The following CIZ1 variants were observed in gnomAD, a reference collection of about 807,000 sequenced individuals.
CIZ1 encodes the protein cip1-interacting zinc finger protein.
CIZ1 carries 58 observed loss-of-function variants against 118.6 expected under a neutral mutation model. The observed-to-expected ratio is 0.49, with a 90% CI of 0.40 to 0.61. The LOEUF (loss-of-function observed/expected upper bound fraction) is 0.61, where lower values mean the gene tolerates loss of function less well. Ranked by LOEUF, CIZ1 falls within the 20% of genes least tolerant of loss-of-function variation. The pLI is 0.00. For missense variants in CIZ1, 921 were observed against 1,115.9 expected (o/e 0.83, Z 2.49); for synonymous variants, 448 against 443.4 (o/e 1.01, Z -0.13).
rs367571874 is a variant in CIZ1 at position 128,178,924 on chromosome 9, T to C, written c.1283A>G (p.Gln428Arg). Residue 428 changes from glutamine to arginine, a missense_variant, in exon 8 of 17, where the codon CAG becomes CGG. By Grantham distance (43) the Gln-to-Arg change is conservative. Coordinates refer to ENST00000372938, the MANE Select transcript of CIZ1 (RefSeq NM_001131016.2). The part of the protein sequence containing the change: ...QVQLQLQKQV[Q>R]TQTYPQVHTQ... The stretch of plus-strand genomic sequence containing the variant: ...GTGGACCTGTGGATATGTCTGTGTC[T>C]GGACCTGCTTCTGCAGCTGCAGCTG... 115 of 1,614,158 alleles carry C rather than the reference T, an allele frequency of 7.1e-5. No individual in the cohort carries two copies. Among genetic ancestry groups the C allele is most frequent in the Non-Finnish European group, 7.0e-5 (83 of 1,180,058 alleles).
chr9:128,182,784 T>G (rs971267598), intron 5 of CIZ1, among the ~76,000 whole-genome samples: 3 of 151,900 alleles, frequency 2.0e-5, no homozygotes, highest in African/African-American at 7.3e-5. Flanking sequence ...GGCATTTCTG[T>G]ATTCTTTTTT....
Position 128,187,848 on chromosome 9 carries a change from A to T in CIZ1, c.358+15T>A, listed in dbSNP as rs751453319. 1.2e-4 allele frequency: 81 copies of T among 657,450 alleles called. No individual in the cohort carries two copies. The highest frequency in any genetic ancestry group is 4.2e-4 in the Middle Eastern group (1 of 2,408). The allele number at this position is 657,450 out of a possible 1,614,324, so 40.7% of individuals were successfully genotyped here. A position where few individuals can be genotyped will look rare whatever the true frequency, so the allele number is the denominator to read the frequency against. On this transcript the variant is annotated intron_variant, in intron 4 of 16. Coordinates refer to ENST00000372938, the MANE Select transcript of CIZ1 (RefSeq NM_001131016.2). Reference sequence around the variant, plus strand: ...ATATATACATTTATATATATATATAAAAAGCATATAATACCCAGTGTTGCT... The same window carrying T: ...ATATATACATTTATATATATATATATAAAGCATATAATACCCAGTGTTGCT...
chr9:128,174,885 T>C (rs1346145854), intron 11 of CIZ1, among the ~76,000 whole-genome samples: 2 of 152,212 alleles, frequency 1.3e-5, no homozygotes, highest in Non-Finnish European at 2.9e-5. Flanking sequence ...CTTGAACTCC[T>C]GACCTCAGGT....
chr9:128,193,245 G>A (rs1264051468), upstream of CIZ1, among the ~76,000 whole-genome samples: 1 of 152,222 alleles, frequency 6.6e-6, no homozygotes, highest in Non-Finnish European at 1.5e-5. Flanking sequence ...GCAGCCTGGA[G>A]GGTGGGGACT....
At position 128,169,067 on chromosome 9, in the gene CIZ1, C is replaced by G. The variant is rs1364107795; in HGVS notation, c.2280G>C (p.Glu760Asp). 1 of 1,614,164 alleles carries G rather than the reference C, an allele frequency of 6.2e-7. No homozygotes were observed. The highest frequency in any genetic ancestry group is 1.7e-5 in the Admixed American group (1 of 60,020). ...DEDEEEIEVE[E>D]ELCKQVRSRD... Reference sequence around the variant, plus strand: ...CCCCCAGCACCTGCTTGCAGAGTTCCTCCTCAACCTCGATCTCTTCTTCAT... The same window carrying G: ...CCCCCAGCACCTGCTTGCAGAGTTCGTCCTCAACCTCGATCTCTTCTTCAT... Residue 760 changes from glutamate to aspartate, a missense_variant, in exon 14 of 17, where the codon GAG (glutamate) becomes GAC (aspartate). Transcript: ENST00000372938.
intron 11 of CIZ1, among the ~76,000 whole-genome samples, chr9:128,171,694 G>T (rs1434587050): frequency 6.6e-6 from 1 of 151,910 alleles, no homozygotes; most frequent in Non-Finnish European, 1.5e-5. Flanking sequence ...CCAAGATCGC[G>T]CCACTGCACT....
intron 15 of CIZ1, 28 bp downstream of exon 15, chr9:128,167,067 G>A: frequency 6.3e-7 from 1 of 1,585,928 alleles, no homozygotes; most frequent in Non-Finnish European, 8.6e-7. Context: ...TGAAGCTCCT[G>A]CAGGTGGGCT....
chr9:128,192,342 CCTGAGCGA>C (rs1833227712), upstream of CIZ1, among the ~76,000 whole-genome samples: 1 of 150,084 alleles, frequency 6.7e-6, no homozygotes, highest in Non-Finnish European at 1.5e-5. Context: ...TGCACTCCAG[CCTGAGCGA>C]CAGAGCAAGA....
At position 128,179,221 on chromosome 9, in the gene CIZ1, C is replaced by T. The variant is rs772073388; in HGVS notation, c.986G>A (p.Arg329Gln). ...CACCTGGGTGTCTGTGGATGGTATC[C>T]GCGGCTGAGTCTGTGACTGCACCTG... is the stretch of plus-strand genomic sequence containing the variant. ...QAQVQSQTQP[R>Q]IPSTDTQVQP... Residue 329 changes from arginine to glutamine, a missense_variant, in exon 8 of 17, where the codon CGG becomes CAG. Coordinates refer to ENST00000372938, the MANE Select transcript of CIZ1 (RefSeq NM_001131016.2). 30 of 1,614,056 alleles carry T rather than the reference C, an allele frequency of 1.9e-5. No homozygotes were observed. Among genetic ancestry groups the T allele is most frequent in the Admixed American group, 8.3e-5 (5 of 60,018 alleles).
chr9:128,191,449 C>T lies in CIZ1; in HGVS notation c.-23G>A, dbSNP rs1391067860. On this transcript the variant is annotated 5_prime_UTR_variant, in exon 1 of 17. Coordinates refer to ENST00000372938, the MANE Select transcript of CIZ1 (RefSeq NM_001131016.2). The surrounding 1 kb of genome is among the most constrained non-coding windows in gnomAD (Gnocchi z 5.5). ...CCCCGCACCTCGCCTCCCCGCGCGC[C>T]CTCAACGCTCAAGTCGCCCCCACGG... 26 of 975,758 alleles carry T rather than the reference C, an allele frequency of 2.7e-5. No homozygotes were observed. The highest frequency in any genetic ancestry group is 6.1e-5 in the Admixed American group (1 of 16,364). The allele number at this position is 975,758 out of a possible 1,614,324, so 60.4% of individuals were successfully genotyped here.
chr9:128,174,758 A>T (rs764806278), intron 11 of CIZ1, among the ~76,000 whole-genome samples: 9 of 150,426 alleles, frequency 6.0e-5, no homozygotes, highest in Non-Finnish European at 1.2e-4. Flanking sequence ...CCCCAGGTTC[A>T]AGCAATTCTC....
In CIZ1 at chr9:128,166,860, C is replaced by T. The variant is rs140324491; in HGVS notation, c.2386G>A (p.Val796Met). 5.1e-5 allele frequency: 82 copies of T among 1,614,094 alleles called. No individual in the cohort carries two copies. The highest frequency in any genetic ancestry group is 1.6e-4 in the Middle Eastern group (1 of 6,084). The part of the protein sequence containing the change: ...TAYGVDFLVP[V>M]MGYICRICHK... The stretch of plus-strand genomic sequence containing the variant: ...CAGATGCGGCAGATATAGCCCATCA[C>T]GGGCACCAGGAAGTCCACACCTGTA... Residue 796 changes from valine to methionine, a missense_variant, in exon 16 of 17, where the codon GTG (valine) becomes ATG (methionine). Transcript: ENST00000372938. The surrounding 1 kb of genome is among the most constrained non-coding windows in gnomAD (Gnocchi z 4.4).
intron 4 of CIZ1, 148 bp from the exon 5 acceptor site, chr9:128,185,924 T>A: frequency 3.0e-6 from 2 of 675,664 alleles, no homozygotes; most frequent in Non-Finnish European, 5.3e-6. Flanking sequence ...AGGGAAGAGA[T>A]GAGAGCTGAG....
chr9:128,174,281 G>A (rs1830592927), intron 11 of CIZ1, among the ~76,000 whole-genome samples: 2 of 152,184 alleles, frequency 1.3e-5, no homozygotes, highest in East Asian at 1.9e-4. Context: ...CTTCAGAAAC[G>A]TGCACGTGAC....
intron 8 of CIZ1, 60 bp from the exon 9 acceptor site, chr9:128,178,550 G>A (rs45442592): frequency 0.01 from 16,273 of 1,611,068 alleles, 100 homozygotes; most frequent in Non-Finnish European, 0.012. Flanking sequence ...TGCCTTCTCC[G>A]TCCGCAGCCA....
At chr9:128,188,762 A>C (rs974113878) in intron 3 of CIZ1, among the ~76,000 whole-genome samples, 1 of 151,952 alleles carries the variant, frequency 6.6e-6, no homozygotes, top group Non-Finnish European at 1.5e-5. Flanking sequence ...CCTCCTGAGT[A>C]GCTGGGATTA....
chr9:128,180,375 A>AG (rs756616192), intron 7 of CIZ1, 40 bp downstream of exon 7: 2 of 1,480,568 alleles, frequency 1.4e-6, no homozygotes, highest in Non-Finnish European at 1.9e-6. Context: ...ATGAGAGCAC[A>AG]GGGCACCCGG....
upstream of CIZ1, among the ~76,000 whole-genome samples, chr9:128,193,688 C>T (rs1487151239): frequency 6.6e-6 from 1 of 151,954 alleles, no homozygotes; most frequent in African/African-American, 2.4e-5. Flanking sequence ...CCAGCCTGGG[C>T]GACAGAGTGA....
chr9:128,181,736 C>T (rs1448366563), intron 5 of CIZ1, among the ~76,000 whole-genome samples: 2 of 150,162 alleles, frequency 1.3e-5, no homozygotes, highest in African/African-American at 5.0e-5. Flanking sequence ...CAAGGAACAA[C>T]ACCCGCTACT....
Sources: allele counts gnomAD v4.1 joint callset (sites outside exome capture counted in the v4.1 genomes callset), GRCh38; gene constraint gnomAD v4.1.1; non-coding constraint Gnocchi (gnomAD v3.1); transcripts MANE v1.5; gene names NCBI Gene and HGNC (gene_info 2026-07-23, HGNC 2026-07-21).